Variants in GLIS3 observed in about 807,000 individuals in gnomAD.
GLIS3 encodes the protein zinc finger protein GLIS3.
GLIS3 carries 53 observed loss-of-function variants against 78.6 expected under a neutral mutation model. That is an observed-to-expected ratio of 0.67 (90% CI 0.54 to 0.85). GLIS3 has a LOEUF of 0.85. Among genes scored for constraint, GLIS3 ranks in the 40% least tolerant of loss-of-function variants. GLIS3 has a pLI of 0.00. For missense variants in GLIS3, 1,703 were observed against 1,231.1 expected (o/e 1.38, Z -5.74); for synonymous variants, 684 against 509.9 (o/e 1.34, Z -4.60).
intron 7 of GLIS3, among the ~76,000 whole-genome samples, chr9:3,886,079 A>G (rs756281307): frequency 5.3e-5 from 8 of 152,208 alleles, no homozygotes; most frequent in Non-Finnish European, 1.0e-4. Flanking sequence ...GGCTACTTAT[A>G]TTATTGTAAT....
chr9:3,876,431 C>G (rs540369504), intron 8 of GLIS3, among the ~76,000 whole-genome samples: 6 of 151,518 alleles, frequency 4.0e-5, no homozygotes, highest in African/African-American at 1.5e-4. Context: ...TTTGGGAAAT[C>G]TGAATAGCAA....
the GLIS3 span, among the ~76,000 whole-genome samples, chr9:4,470,212 C>G: frequency 9.5e-4 from 145 of 152,254 alleles, no homozygotes; most frequent in Middle Eastern, 6.8e-3. Context: ...TGAAACTATT[C>G]CAATCAATAG....
the GLIS3 span, among the ~76,000 whole-genome samples, chr9:4,444,182 G>A: frequency 6.6e-6 from 1 of 152,168 alleles, no homozygotes; most frequent in Non-Finnish European, 1.5e-5. Flanking sequence ...AATTCAGACT[G>A]CCCTTGTACC....
At chr9:4,267,597 G>A (rs1826129657) in intron 2 of GLIS3, among the ~76,000 whole-genome samples, 1 of 152,168 alleles carries the variant, frequency 6.6e-6, no homozygotes, top group Admixed American at 6.5e-5. Context: ...CCAAGTCTAT[G>A]TCTGGCACAT....
At chr9:4,064,141 AG>A (rs138481757) in intron 4 of GLIS3, among the ~76,000 whole-genome samples, 5,447 of 152,268 alleles carry the variant, frequency 0.036, 415 homozygotes, top group East Asian at 0.23. Flanking sequence ...TTGTCTCAAT[AG>A]GAAAATGATA....
At chr9:4,430,720 A>T in the GLIS3 span, among the ~76,000 whole-genome samples, 117 of 152,324 alleles carry the variant, frequency 7.7e-4, no homozygotes, top group Non-Finnish European at 1.1e-3. Context: ...TGTGTAAATT[A>T]CTGACAATGC....
chr9:4,347,826 C>G (rs896985582), intron 1 of GLIS3, among the ~76,000 whole-genome samples: 1 of 152,042 alleles, frequency 6.6e-6, no homozygotes, highest in Non-Finnish European at 1.5e-5. Context: ...GGCTTGAACA[C>G]AACTATTTTA....
intron 4 of GLIS3, among the ~76,000 whole-genome samples, chr9:4,060,331 C>G (rs140356996): frequency 6.6e-6 from 1 of 152,194 alleles, no homozygotes; most frequent in Non-Finnish European, 1.5e-5. Flanking sequence ...TCCTGATTCT[C>G]CTTCTAGCCA....
At chr9:4,403,863 G>A in the GLIS3 span, among the ~76,000 whole-genome samples, 1 of 152,064 alleles carries the variant, frequency 6.6e-6, no homozygotes, top group African/African-American at 2.4e-5. Flanking sequence ...GCAGGAGTAA[G>A]TCCCTACTTA....
the GLIS3 span, among the ~76,000 whole-genome samples, chr9:4,400,530 AT>A: frequency 6.6e-6 from 1 of 152,228 alleles, no homozygotes; most frequent in Non-Finnish European, 1.5e-5. Flanking sequence ...TTCTTTACCT[AT>A]ATTGATTTGT....
chr9:4,408,163 G>C, the GLIS3 span, among the ~76,000 whole-genome samples: 1 of 152,302 alleles, frequency 6.6e-6, no homozygotes, highest in South Asian at 2.1e-4. Flanking sequence ...TACGCTGTCA[G>C]TGGGAATGTA....
Position 4,014,901 on chromosome 9 carries a change from C to T in GLIS3, c.1711-77712G>A, listed in dbSNP as rs911700032. 8.5e-5 allele frequency among the ~76,000 whole-genome samples: 13 copies of T among 152,300 alleles called. No individual in the cohort carries two copies. The South Asian group carries it at 1.2e-3, about 15-fold the overall frequency. The stretch of plus-strand genomic sequence containing the variant: ...CACTCACTGGTTCTTTCATTCCTTT[C>T]GACATTCACTGAGCTCTTTCTGAGG... On this transcript the variant is annotated intron_variant, in intron 4 of 10. Coordinates refer to ENST00000381971, the MANE Select transcript of GLIS3 (RefSeq NM_001042413.2).
the GLIS3 span, among the ~76,000 whole-genome samples, chr9:4,472,796 C>G: frequency 2.0e-5 from 3 of 151,752 alleles, no homozygotes; most frequent in Non-Finnish European, 4.4e-5. Context: ...ACAGATAACA[C>G]GTTTTATATA....
chr9:3,946,869 G>A (rs1330168498), intron 4 of GLIS3, among the ~76,000 whole-genome samples: 2 of 151,736 alleles, frequency 1.3e-5, no homozygotes, highest in Admixed American at 1.3e-4. Flanking sequence ...CCAGGGAAGA[G>A]CCTCTCATCA....
At chr9:3,999,498 T>C (rs1237623474) in intron 4 of GLIS3, among the ~76,000 whole-genome samples, 1 of 152,108 alleles carries the variant, frequency 6.6e-6, no homozygotes, top group Non-Finnish European at 1.5e-5. Flanking sequence ...AGTTACCATG[T>C]ATAAAACAAT....
chr9:4,010,114 G>A (rs946235631), intron 4 of GLIS3, among the ~76,000 whole-genome samples: 2 of 152,168 alleles, frequency 1.3e-5, no homozygotes, highest in Non-Finnish European at 2.9e-5. Flanking sequence ...AATATCTCCA[G>A]GGATCTCCCC....
rs947503809 is a variant in GLIS3 at position 3,826,887 on chromosome 9, A to C, written c.*1385T>G. On this transcript the variant is annotated 3_prime_UTR_variant, in exon 11 of 11. Coordinates refer to ENST00000381971, the MANE Select transcript of GLIS3 (RefSeq NM_001042413.2). The stretch of plus-strand genomic sequence containing the variant: ...TGTTAGAACTTACTGTGTCTTTGGG[A>C]CTGGCCAATTTTTATAGCTGATGCC... 6.6e-6 allele frequency: 1 copy of C among 152,182 alleles called. No individual in the cohort carries two copies. Among genetic ancestry groups the C allele is most frequent in the Non-Finnish European group, 1.5e-5 (1 of 68,030 alleles). The allele number at this position is 152,182 out of a possible 1,614,324, so 9.4% of individuals were successfully genotyped here. A position where few individuals can be genotyped will look rare whatever the true frequency, so the allele number is the denominator to read the frequency against.
chr9:4,483,161 C>T, the GLIS3 span, among the ~76,000 whole-genome samples: 1 of 152,076 alleles, frequency 6.6e-6, no homozygotes, highest in Non-Finnish European at 1.5e-5. Flanking sequence ...TATCACTAGA[C>T]ATCCCCCCAA....
At chr9:4,395,568 C>CTAAATGCTCCAATTAAAAGACACAGA in the GLIS3 span, among the ~76,000 whole-genome samples, 1 of 152,082 alleles carries the variant, frequency 6.6e-6, no homozygotes, top group South Asian at 2.1e-4. Context: ...GAAGGTGATA[C>CTAAATGCTCCAATTAAAAGACACAGA]CTCTCCTTCG....
Sources: gnomAD v4.1 joint callset for allele counts (sites outside exome capture counted in the v4.1 genomes callset) on GRCh38, gnomAD v4.1.1 for gene constraint, MANE v1.5 for transcripts, NCBI Gene and HGNC (gene_info 2026-07-23, HGNC 2026-07-21) for gene names.